LEPROTL1: variants seen among roughly 807,000 people sequenced by gnomAD.
LEPROTL1 encodes leptin receptor overlapping transcript-like 1.
LEPROTL1 carries 6 observed loss-of-function variants against 15.4 expected under a neutral mutation model. The observed-to-expected ratio is 0.39, with a 90% CI of 0.21 to 0.77. LEPROTL1 has a LOEUF of 0.77. Ranked by LOEUF, LEPROTL1 falls within the 30% of genes least tolerant of loss-of-function variation. The pLI is 0.41. For missense variants in LEPROTL1, 128 were observed against 158.1 expected, an observed-to-expected ratio of 0.81 and a Z score of 1.02; for synonymous variants, 56 against 52.6, an observed-to-expected ratio of 1.06 and a Z score of -0.28.
chr8:30,131,939 G>T (rs1413455935), intron 3 of LEPROTL1: 1 of 1,540,040 alleles, frequency 6.5e-7, no homozygotes, highest in Non-Finnish European at 8.8e-7. Flanking sequence ...GCCAGGGAAA[G>T]ATGTCAGTTA....
At chr8:30,099,635 A>C (rs61280967) in intron 1 of LEPROTL1, among the ~76,000 whole-genome samples, 11,319 of 149,690 alleles carry the variant, frequency 0.076, 657 homozygotes, top group South Asian at 0.14. Flanking sequence ...ACCAGCAAAA[A>C]AACACTTCAC....
chr8:30,098,500 C>G (rs112387461), intron 1 of LEPROTL1, among the ~76,000 whole-genome samples: 33 of 152,196 alleles, frequency 2.2e-4, no homozygotes, highest in African/African-American at 7.2e-4. Context: ...CCTTTGTTTT[C>G]TCCAGGATTC....
At chr8:30,097,316 C>T (rs999808859) in intron 1 of LEPROTL1, among the ~76,000 whole-genome samples, 4 of 122,804 alleles carry the variant, frequency 3.3e-5, no homozygotes, top group African/African-American at 1.1e-4. Flanking sequence ...AATTGGCTAC[C>T]TTATTCGGTA....
At chr8:30,112,593 A>G (rs945466658), downstream of LEPROTL1, among the ~76,000 whole-genome samples, 3 of 151,590 alleles carry the variant, frequency 2.0e-5, no homozygotes, top group African/African-American at 7.3e-5. Context: ...TGGAGGGTTT[A>G]CATGGTAGCA....
chr8:30,119,339 T>G (rs1008413878), intron 3 of LEPROTL1, among the ~76,000 whole-genome samples: 9 of 152,290 alleles, frequency 5.9e-5, no homozygotes, highest in Admixed American at 2.0e-4. Flanking sequence ...ATGTCTTCCC[T>G]TTCTACGTAG....
chr8:30,095,835 G>C, intron 1 of LEPROTL1: 1 of 701,666 alleles, frequency 1.4e-6, no homozygotes, highest in South Asian at 1.5e-5. Context: ...GAGGAGTCCC[G>C]TCGCGACTTG....
At chr8:30,113,781 C>T (rs911655308) in intron 3 of LEPROTL1, among the ~76,000 whole-genome samples, 2 of 152,198 alleles carry the variant, frequency 1.3e-5, no homozygotes, top group African/African-American at 4.8e-5. Flanking sequence ...GACCCTCAAG[C>T]AGTCATGGCT....
chr8:30,113,486 T>G (rs1437785333), downstream of LEPROTL1, among the ~76,000 whole-genome samples: 1 of 152,154 alleles, frequency 6.6e-6, no homozygotes, highest in African/African-American at 2.4e-5. Flanking sequence ...CTGTCATCGC[T>G]GCAAGTGGTG....
At chr8:30,112,206 T>C (rs1274413616), downstream of LEPROTL1, among the ~76,000 whole-genome samples, 2 of 152,000 alleles carry the variant, frequency 1.3e-5, no homozygotes, top group East Asian at 3.9e-4. Context: ...CAAAACACTA[T>C]TCAGAGTTGG....
rs187746181 is a variant in LEPROTL1 at position 30,100,543 on chromosome 8, G to A, written c.17-1355G>A. 3.9e-3 allele frequency among the ~76,000 whole-genome samples: 600 copies of A among 152,210 alleles called. 2 individuals carry two copies. The highest frequency in any genetic ancestry group is 6.2e-3 in the Non-Finnish European group (419 of 68,000). On this transcript the variant is annotated intron_variant, in intron 1 of 3. Coordinates refer to ENST00000321250, the MANE Select transcript of LEPROTL1 (RefSeq NM_015344.3). ...AGGCTCACTGCAACCTACGCCTCCC[G>A]GGTTCAAGCAATTCTCCTGCCTCAG...
chr8:30,108,697 C>T (rs1023204380), downstream of LEPROTL1, among the ~76,000 whole-genome samples: 3 of 150,450 alleles, frequency 2.0e-5, no homozygotes, highest in Middle Eastern at 3.2e-3. Context: ...TGCAGTGGTA[C>T]GATCTTGGCT....
At chr8:30,121,277 G>C (rs1205857435) in intron 3 of LEPROTL1, among the ~76,000 whole-genome samples, 1 of 151,668 alleles carries the variant, frequency 6.6e-6, no homozygotes, top group Non-Finnish European at 1.5e-5. Flanking sequence ...TTTTGAGATG[G>C]ACTCTCACTC....
chr8:30,132,698 G>T lies in LEPROTL1; in HGVS notation c.394+209G>T, dbSNP rs141252348. The T allele has an allele frequency of 1.8e-5, 28 of 1,551,618 alleles. No individual in the cohort carries two copies. The Admixed American group carries it at 5.1e-4, about 28-fold the overall frequency. On this transcript the variant is annotated intron_variant, in intron 4 of 4. Transcript: ENST00000442880. Reference sequence around the variant, plus strand: ...GACCCTTGAACACGAGCCTGAAATCGCTGGAAGGAGCACAGAGAGCCTCCC... The same window carrying T: ...GACCCTTGAACACGAGCCTGAAATCTCTGGAAGGAGCACAGAGAGCCTCCC...
chr8:30,112,668 T>C (rs770423735), downstream of LEPROTL1, among the ~76,000 whole-genome samples: 22 of 151,994 alleles, frequency 1.4e-4, no homozygotes, highest in Non-Finnish European at 2.9e-4. Flanking sequence ...CTAGCTCTTC[T>C]TGATGCTAGT....
intron 4 of LEPROTL1, among the ~76,000 whole-genome samples, chr8:30,136,730 C>CTTTTTTTTTTTT (rs11390350): frequency 7.0e-6 from 1 of 143,788 alleles, no homozygotes; most frequent in African/African-American, 2.6e-5. Flanking sequence ...TCCCCCCGAA[C>CTTTTTTTTTTTT]TTTTTTTTTT....
chr8:30,107,768 G>A lies in LEPROTL1; in HGVS notation c.*1906G>A. On this transcript the variant is annotated 3_prime_UTR_variant, in exon 4 of 4. Transcript: ENST00000321250. ...TCTACTGGACTTTTTTTTGCAGGAA[G>A]TGCATTCTCTGGTCCTTCCCTATTT... 1 of 985,250 alleles carries A rather than the reference G, an allele frequency of 1.0e-6. No individual in the cohort carries two copies. Among genetic ancestry groups the A allele is most frequent in the Non-Finnish European group, 1.2e-6 (1 of 829,890 alleles). The allele number at this position is 985,250 out of a possible 1,614,324, so 61.0% of individuals were successfully genotyped here.
chr8:30,095,562 G>C (rs1339203784), intron 1 of LEPROTL1, 34 bp downstream of exon 1: 1 of 1,355,306 alleles, frequency 7.4e-7, no homozygotes, highest in East Asian at 3.1e-5. Flanking sequence ...GGAGGGCTGG[G>C]GCCGGCGGGG....
chr8:30,095,627 G>T, intron 1 of LEPROTL1, 99 bp downstream of exon 1: 2 of 1,026,916 alleles, frequency 1.9e-6, no homozygotes, highest in Non-Finnish European at 2.6e-6. Flanking sequence ...GGGCTCGCGC[G>T]CGCGCGTGGG....
rs150223726 is a variant in LEPROTL1 at position 30,120,626 on chromosome 8, G to A, written c.280-11749G>A. 1.6e-3 allele frequency among the ~76,000 whole-genome samples: 248 copies of A among 152,234 alleles called. 1 individual carries two copies. Among genetic ancestry groups the A allele is most frequent in the Non-Finnish European group, 2.9e-3 (198 of 68,030 alleles). ...GTTCACTGCAACCTTCGCCTCTCCGGCTTGAGCAATCCTCCTGTCTCAGCC... is the reference window on the plus strand; with the variant it reads ...GTTCACTGCAACCTTCGCCTCTCCGACTTGAGCAATCCTCCTGTCTCAGCC... On this transcript the variant is annotated intron_variant, in intron 3 of 4. Transcript: ENST00000442880.
Sources: allele counts gnomAD v4.1 joint callset (sites outside exome capture counted in the v4.1 genomes callset), GRCh38; gene constraint gnomAD v4.1.1; transcripts MANE v1.5; gene names NCBI Gene and HGNC (gene_info 2026-07-23, HGNC 2026-07-21).